Variants in ZNF426 observed in about 807,000 individuals in gnomAD.
ZNF426 encodes CTC-543D15.7.
Under a neutral mutation model 24.0 loss-of-function variants are expected in ZNF426, and 23 were observed. That is an observed-to-expected ratio of 0.96 (90% CI 0.69 to 1.36). ZNF426 has a LOEUF of 1.36. Ranked by LOEUF, ZNF426 falls within the 40% of genes most tolerant of loss-of-function variation. ZNF426 has a pLI of 0.00. For missense variants in ZNF426, 646 were observed against 658.4 expected (o/e 0.98, Z 0.21); for synonymous variants, 272 against 224.6 (o/e 1.21, Z -1.89).
At chr19:9,534,419 T>C (rs8102088) in intron 4 of ZNF426, among the ~76,000 whole-genome samples, 26,327 of 151,956 alleles carry the variant, frequency 0.17, 3,617 homozygotes, top group African/African-American at 0.38. Flanking sequence ...ACTGGCTAGG[T>C]TGGTCTCGAA....
chr19:9,537,421 T>C (rs2073983118), intron 2 of ZNF426, among the ~76,000 whole-genome samples: 1 of 151,082 alleles, frequency 6.6e-6, no homozygotes, highest in Admixed American at 6.6e-5. Flanking sequence ...AAATATTCAG[T>C]TTGGTGGCAT....
rs1166208001 is a variant in ZNF426, at chr19:9,525,923, C to G, written c.*2457G>C. On this transcript the variant is annotated 3_prime_UTR_variant, in exon 8 of 8. Coordinates refer to ENST00000253115, the MANE Select transcript of ZNF426 (RefSeq NM_024106.3). ...CAGGCTGGTCATGAACTCCCAACCT[C>G]AGGTGATCCACCTGCCTTGGCCTCC... 1.3e-5 allele frequency: 2 copies of G among 152,228 alleles called. No individual in the cohort carries two copies. Among genetic ancestry groups the G allele is most frequent in the African/African-American group, 2.4e-5 (1 of 41,428 alleles). The allele number at this position is 152,228 out of a possible 1,614,324, so 9.4% of individuals were successfully genotyped here.
Position 9,532,930 on chromosome 19 carries a change from G to T in ZNF426, c.245-5C>A. The T allele has an allele frequency of 6.2e-7, 1 of 1,610,976 alleles. No individual in the cohort carries two copies. The highest frequency in any genetic ancestry group is 8.5e-7 in the Non-Finnish European group (1 of 1,177,462). On this transcript the variant is annotated splice_polypyrimidine_tract_variant and splice_region_variant and intron_variant, in intron 5 of 7. Transcript: ENST00000253115. ...TGGGTTTGATGATCTGACCTCCTGA[G>T]CACAGAGAAATACATTAATGGAAGA...
At chr19:9,532,053 C>T (rs367726732) in intron 6 of ZNF426, among the ~76,000 whole-genome samples, 1 of 152,096 alleles carries the variant, frequency 6.6e-6, no homozygotes, top group African/African-American at 2.4e-5. Flanking sequence ...CAGGTGGATG[C>T]CTGAATCATG....
chr19:9,524,080 C>T lies in ZNF426; in HGVS notation c.*4300G>A, dbSNP rs77310830. 1,910 of 153,822 alleles carry T rather than the reference C, an allele frequency of 0.012. 15 individuals are homozygous for T. The highest frequency in any genetic ancestry group is 0.019 in the Non-Finnish European group (1,336 of 68,546). The allele number at this position is 153,822 out of a possible 1,614,324, so 9.5% of individuals were successfully genotyped here. ...TGTTTATCAAGGACTAAGTGGCAGG[C>T]AAGGGCTTTCCCACATTCCTTACAT... On this transcript the variant is annotated 3_prime_UTR_variant, in exon 8 of 8. Transcript: ENST00000253115.
Position 9,531,054 on chromosome 19 carries a change from T to A in ZNF426, c.339A>T (p.Arg113=), listed in dbSNP as rs151324223. ...QGGVLQGWEM[R]LETQWSILQQ... The stretch of plus-strand genomic sequence containing the variant: ...GAAGTATAGACCACTGGGTTTCAAG[T>A]CGCATTTCCCATCCTGAAATAAAAC... The change falls in exon 7 of 8, where the codon CGA becomes CGT. Residue 113 remains arginine (R), a synonymous_variant. Coordinates refer to ENST00000253115, the MANE Select transcript of ZNF426 (RefSeq NM_024106.3). 1 of 1,613,936 alleles carries A rather than the reference T, an allele frequency of 6.2e-7. No homozygotes were observed. The highest frequency in any genetic ancestry group is 1.1e-5 in the South Asian group (1 of 91,076).
At position 9,530,988 on chromosome 19, in the gene ZNF426, T is replaced by G. The variant is rs749299352; in HGVS notation, c.405A>C (p.Gln135His). The G allele has an allele frequency of 1.2e-6, 2 of 1,612,058 alleles. No individual in the cohort carries two copies. The highest frequency in any genetic ancestry group is 1.7e-6 in the Non-Finnish European group (2 of 1,178,120). The change falls in exon 7 of 8, where the codon CAA (glutamine) becomes CAC (histidine). Residue 135 changes from glutamine (Q) to histidine (H), a missense_variant. By Grantham distance (24) the Gln-to-His change is conservative. Coordinates refer to ENST00000253115, the MANE Select transcript of ZNF426 (RefSeq NM_024106.3). ...AAATATCCTATGCAAATCTTACCAA[T>G]TGTATCCCAATGGATGTCTGACCCC... ...FLRGQTSIGIQLEGKHNGREL... is the reference protein window; with the variant it reads ...FLRGQTSIGIHLEGKHNGREL...
chr19:9,529,259 A>C lies in ZNF426; in HGVS notation c.786T>G (p.Ile262Met). Residue 262 changes from isoleucine to methionine, a missense_variant, in exon 8 of 8, where the codon ATT becomes ATG. Coordinates refer to ENST00000253115, the MANE Select transcript of ZNF426 (RefSeq NM_024106.3). ...YEWRNYGPGF[I>M]DSTSLSVLIE... ...TAAGCACAGAAAGGCTTGTAGAGTC[A>C]ATAAAACCTGGCCCATAATTCCTCC... The C allele has an allele frequency of 6.2e-7, 1 of 1,613,814 alleles. No individual in the cohort carries two copies. The highest frequency in any genetic ancestry group is 8.5e-7 in the Non-Finnish European group (1 of 1,179,930).
rs754390158 is a variant in ZNF426 at position 9,538,093 on chromosome 19, G to A, written c.-125+166C>T. Among the ~76,000 whole-genome samples, 7 of 152,090 alleles carry A rather than the reference G, an allele frequency of 4.6e-5. No individual in the cohort carries two copies. In the South Asian group the frequency reaches 8.3e-4, roughly 18 times the overall value. ...CGTTTATATTCACATACACAAATAC[G>A]CACACCCTATAAACCTAAAAAGCAT... On this transcript the variant is annotated intron_variant, in intron 2 of 7. Coordinates refer to ENST00000253115, the MANE Select transcript of ZNF426 (RefSeq NM_024106.3).
In ZNF426 at chr19:9,526,556, A is replaced by G. The variant is rs1346923058; in HGVS notation, c.*1824T>C. ...AGCTTGAGAATATATCAGCAGAAAC[A>G]TCCACACCTGAAAAGCAAAGAGAAG... On this transcript the variant is annotated 3_prime_UTR_variant, in exon 8 of 8. Transcript: ENST00000253115. 1 of 152,172 alleles carries G rather than the reference A, an allele frequency of 6.6e-6. No individual in the cohort carries two copies. The highest frequency in any genetic ancestry group is 1.9e-4 in the East Asian group (1 of 5,198). The allele number at this position is 152,172 out of a possible 1,614,324, so 9.4% of individuals were successfully genotyped here.
Position 9,529,211 on chromosome 19 carries a change from C to CT in ZNF426, c.833dup (p.Pro279AlafsTer5). On this transcript the variant is annotated frameshift_variant, in exon 8 of 8. Transcript: ENST00000253115. LOFTEE classifies it low-confidence loss of function (END_TRUNC). ...TTCCACATTCCTTACATTTGTAGGG[C>CT]TTTTTTGCATTGAGGGTTTCTATAA... 1.2e-6 allele frequency: 2 copies of CT among 1,614,066 alleles called. No individual in the cohort carries two copies. Among genetic ancestry groups the CT allele is most frequent in the Non-Finnish European group, 1.7e-6 (2 of 1,180,016 alleles).
chr19:9,531,043 TG>T lies in ZNF426; in HGVS notation c.349del (p.Gln117SerfsTer10). 6.2e-7 allele frequency: 1 copy of T among 1,614,100 alleles called. No individual in the cohort carries two copies. Among genetic ancestry groups the T allele is most frequent in the Non-Finnish European group, 8.5e-7 (1 of 1,179,958 alleles). ...LQGWEMRLET[Q>X]WSILQQDFLR... ...AAAGTCCTGCTGAAGTATAGACCAC[TG>T]GGTTTCAAGTCGCATTTCCCATCCT... On this transcript the variant is annotated frameshift_variant, in exon 7 of 8. Coordinates refer to ENST00000253115, the MANE Select transcript of ZNF426 (RefSeq NM_024106.3). LOFTEE classifies it high-confidence loss of function.
At chr19:9,529,724 G>A in intron 7 of ZNF426, 88 bp from the exon 8 acceptor site, 2 of 1,233,182 alleles carry the variant, frequency 1.6e-6, no homozygotes, top group Non-Finnish European at 2.2e-6. Flanking sequence ...TTATAATGGT[G>A]ATTATAATTG....
intron 6 of ZNF426, among the ~76,000 whole-genome samples, chr19:9,531,605 T>C (rs928768517): frequency 1.3e-5 from 2 of 152,054 alleles, no homozygotes; most frequent in Non-Finnish European, 2.9e-5. Context: ...TATTACAAAT[T>C]GATGCTATGA....
At chr19:9,536,135 C>T in intron 3 of ZNF426, 73 bp downstream of exon 3, 1 of 1,601,722 alleles carries the variant, frequency 6.2e-7, no homozygotes, top group South Asian at 1.1e-5. Flanking sequence ...GACCAGCTGC[C>T]CAAACCACTA....
rs932574104 is a variant in ZNF426 at position 9,527,282 on chromosome 19, C to T, written c.*1098G>A. 1 of 152,142 alleles carries T rather than the reference C, an allele frequency of 6.6e-6. No individual in the cohort carries two copies. Among genetic ancestry groups the T allele is most frequent in the African/African-American group, 2.4e-5 (1 of 41,422 alleles). The allele number at this position is 152,142 out of a possible 1,614,324, so 9.4% of individuals were successfully genotyped here. ...GCATTACAGGTAAAAGGCTTCTCTC[C>T]AGTTCGACTTCTTACACCTTCTAGA... On this transcript the variant is annotated 3_prime_UTR_variant, in exon 8 of 8. Transcript: ENST00000253115.
rs1416569156 is a variant in ZNF426, at chr19:9,531,083, C to A, written c.326-16G>T. 3 of 1,608,446 alleles carry A rather than the reference C, an allele frequency of 1.9e-6. No individual in the cohort carries two copies. Among genetic ancestry groups the A allele is most frequent in the African/African-American group, 2.7e-5 (2 of 74,760 alleles). ...ATTTCCCATCCTGAAATAAAACAGACAAACAAATAAAAGGACTCAAGCTAG... is the reference window on the plus strand; with the variant it reads ...ATTTCCCATCCTGAAATAAAACAGAAAAACAAATAAAAGGACTCAAGCTAG... On this transcript the variant is annotated splice_polypyrimidine_tract_variant and intron_variant, in intron 6 of 7. Coordinates refer to ENST00000253115, the MANE Select transcript of ZNF426 (RefSeq NM_024106.3).
At chr19:9,537,887 C>T (rs953120089) in intron 2 of ZNF426, among the ~76,000 whole-genome samples, 1 of 152,056 alleles carries the variant, frequency 6.6e-6, no homozygotes, top group African/African-American at 2.4e-5. Flanking sequence ...CTCCTTAATC[C>T]AACCATCCTG....
rs2073764376 is a variant in ZNF426 at position 9,523,690 on chromosome 19, A to C, written c.*4690T>G. The C allele has an allele frequency of 6.6e-6, 1 of 152,248 alleles. No individual in the cohort carries two copies. Among genetic ancestry groups the C allele is most frequent in the South Asian group, 2.1e-4 (1 of 4,828 alleles). The allele number at this position is 152,248 out of a possible 1,614,324, so 9.4% of individuals were successfully genotyped here. ...TTAAACTGTTCCAGTTCAGATCATC[A>C]GGCATTAGATTCTCATAAGGAGTGT... On this transcript the variant is annotated 3_prime_UTR_variant, in exon 8 of 8. Coordinates refer to ENST00000253115, the MANE Select transcript of ZNF426 (RefSeq NM_024106.3).
Sources: gnomAD v4.1 joint callset for allele counts (sites outside exome capture counted in the v4.1 genomes callset) on GRCh38, gnomAD v4.1.1 for gene constraint, MANE v1.5 for transcripts, NCBI Gene and HGNC (gene_info 2026-07-23, HGNC 2026-07-21) for gene names.